The following SPSB4 variants were observed in gnomAD, a reference collection of about 807,000 sequenced individuals.
SPSB4 encodes splA/ryanodine receptor domain and SOCS box containing 4, also known as SPRY domain-containing SOCS box protein 4.
A neutral mutation model predicts 20.9 loss-of-function variants in SPSB4; 21 were observed. The observed-to-expected ratio is 1.01, with a 90% confidence interval of 0.71 to 1.45. The LOEUF is 1.45. Among genes scored for constraint, SPSB4 ranks in the 40% most tolerant of loss-of-function variants. SPSB4 has a pLI of 0.00. For missense variants in SPSB4, 399 were observed against 399.2 expected (o/e 1.00, Z 0.00); for synonymous variants, 207 against 183.8 (o/e 1.13, Z -1.02).
intron 2 of SPSB4, chr3:141,077,190 C>T (rs1029564167): frequency 2.6e-5 from 4 of 152,236 alleles, no homozygotes; most frequent in African/African-American, 7.2e-5. Flanking sequence ...TTCCAGGACT[C>T]GGTGCCTCCT....
At chr3:141,086,767 G>A (rs947425027) in intron 2 of SPSB4, among the ~76,000 whole-genome samples, 3 of 152,182 alleles carry the variant, frequency 2.0e-5, no homozygotes, top group South Asian at 2.1e-4. Flanking sequence ...AAATGATACC[G>A]TGTCCCAGGC....
Position 141,120,757 on chromosome 3 carries a change from T to C in SPSB4, c.695-26385T>C, listed in dbSNP as rs557715502. On this transcript the variant is annotated intron_variant, in intron 2 of 2. Coordinates refer to ENST00000310546, the MANE Select transcript of SPSB4 (RefSeq NM_080862.3). Reference sequence around the variant, plus strand: ...ACCCCTGCCTTTTTTTGTTTTCCATTTGCTTGGTAGATCTTCCTCCATCCC... The same window carrying C: ...ACCCCTGCCTTTTTTTGTTTTCCATCTGCTTGGTAGATCTTCCTCCATCCC... Among the ~76,000 whole-genome samples the C allele has an allele frequency of 2.0e-5, 3 of 152,312 alleles. 1 individual carries two copies. In the South Asian group the frequency reaches 6.2e-4, roughly 32 times the overall value.
chr3:141,141,436 G>A (rs1939327563), intron 2 of SPSB4, among the ~76,000 whole-genome samples: 1 of 152,208 alleles, frequency 6.6e-6, no homozygotes. Context: ...GCTGGGAGTT[G>A]TAGACTGGAG....
At chr3:141,107,344 A>G (rs1054621245) in intron 2 of SPSB4, among the ~76,000 whole-genome samples, 5 of 152,262 alleles carry the variant, frequency 3.3e-5, no homozygotes, top group Non-Finnish European at 7.3e-5. Flanking sequence ...ATGTCGCTTC[A>G]TTCACTGGAA....
chr3:141,121,245 TCTC>T (rs1938962465), intron 2 of SPSB4, among the ~76,000 whole-genome samples: 1 of 152,314 alleles, frequency 6.6e-6, no homozygotes, highest in Non-Finnish European at 1.5e-5. Context: ...TGCCCCTCAG[TCTC>T]CTCTGGCTTG....
In SPSB4 at chr3:141,051,536, A is replaced by AGCTGCTGCTACC. The variant is rs1936087937; in HGVS notation, c.-604_-593dup. 6.7e-6 allele frequency: 1 copy of AGCTGCTGCTACC among 150,280 alleles called. No homozygotes were observed. The highest frequency in any genetic ancestry group is 6.6e-5 in the Admixed American group (1 of 15,070). 9.3% of individuals were successfully genotyped at this position (150,280 alleles called of 1,614,324 possible). A position where few individuals can be genotyped will look rare whatever the true frequency, so the allele number is the denominator to read the frequency against. On this transcript the variant is annotated 5_prime_UTR_variant, in exon 1 of 3. Transcript: ENST00000310546. ...ACACCACATCCCGGGCCCGGGCCCC[A>AGCTGCTGCTACC]GCTGCTGCTACCGCTGCGTGCGCTC...
chr3:141,127,283 G>A (rs2107803311), intron 2 of SPSB4, among the ~76,000 whole-genome samples: 1 of 152,348 alleles, frequency 6.6e-6, no homozygotes, highest in East Asian at 1.9e-4. Flanking sequence ...CCAGAGAAGG[G>A]TTCAGGTCTC....
At chr3:141,105,092 A>AGCACC (rs1167813662) in intron 2 of SPSB4, among the ~76,000 whole-genome samples, 75 of 152,342 alleles carry the variant, frequency 4.9e-4, no homozygotes, top group African/African-American at 1.7e-3. Flanking sequence ...AAATATCTTT[A>AGCACC]GCACCATACA....
intron 2 of SPSB4, among the ~76,000 whole-genome samples, chr3:141,122,727 G>C (rs909517637): frequency 6.6e-6 from 1 of 152,200 alleles, no homozygotes; most frequent in Non-Finnish European, 1.5e-5. Flanking sequence ...GCAAGGCTCC[G>C]TGGGCGTGGG....
chr3:141,054,197 C>T (rs1936142854), intron 1 of SPSB4, among the ~76,000 whole-genome samples: 1 of 152,158 alleles, frequency 6.6e-6, no homozygotes, highest in African/African-American at 2.4e-5. Context: ...CCCTGAGCTG[C>T]CCGACCTGTT....
intron 2 of SPSB4, among the ~76,000 whole-genome samples, chr3:141,080,823 A>C (rs1938216354): frequency 1.3e-5 from 2 of 152,264 alleles, no homozygotes; most frequent in Non-Finnish European, 2.9e-5. Context: ...AAGTTAAAAA[A>C]GCATACTCAA....
chr3:141,076,659 G>T (rs112490341), intron 2 of SPSB4, among the ~76,000 whole-genome samples: 1 of 152,140 alleles, frequency 6.6e-6, no homozygotes, highest in Non-Finnish European at 1.5e-5. Context: ...CAGTTGCTTG[G>T]GGGGTGTCTG....
At chr3:141,052,332 T>C (rs1226547388) in intron 1 of SPSB4, among the ~76,000 whole-genome samples, 1 of 152,238 alleles carries the variant, frequency 6.6e-6, no homozygotes, top group African/African-American at 2.4e-5. Context: ...GCCAAACCTG[T>C]TTCCTCATCC....
At chr3:141,134,953 A>G (rs1178193491) in intron 2 of SPSB4, among the ~76,000 whole-genome samples, 1 of 151,848 alleles carries the variant, frequency 6.6e-6, no homozygotes, top group Non-Finnish European at 1.5e-5. Flanking sequence ...TGCAAAAGAT[A>G]TATAAGCATA....
At position 141,083,353 on chromosome 3, in the gene SPSB4, A is replaced by AC. The variant is rs568057400; in HGVS notation, c.694+16562dup. 2.3e-3 allele frequency among the ~76,000 whole-genome samples: 342 copies of AC among 151,528 alleles called. 2 individuals carry two copies. The highest frequency in any genetic ancestry group is 5.4e-3 in the African/African-American group (224 of 41,268). The stretch of plus-strand genomic sequence containing the variant: ...CAATCACTGTTGTCTCCACACTGCC[A>AC]CCCCCCCACCCTCTGTAGAGCCCTG... On this transcript the variant is annotated intron_variant, in intron 2 of 2. Transcript: ENST00000310546.
chr3:141,101,965 CAG>C (rs1220191072), intron 2 of SPSB4, among the ~76,000 whole-genome samples: 1 of 152,188 alleles, frequency 6.6e-6, no homozygotes, highest in Admixed American at 6.5e-5. Flanking sequence ...CCCTTTCCTC[CAG>C]GAATGCTCCT....
chr3:141,098,506 C>A (rs1194509650), intron 2 of SPSB4, among the ~76,000 whole-genome samples: 1 of 152,036 alleles, frequency 6.6e-6, no homozygotes, highest in Non-Finnish European at 1.5e-5. Flanking sequence ...TCACGTTTAT[C>A]CCTAAGTATT....
intron 2 of SPSB4, among the ~76,000 whole-genome samples, chr3:141,101,090 G>A (rs1938606779): frequency 1.3e-5 from 2 of 152,210 alleles, no homozygotes; most frequent in Admixed American, 6.5e-5. Flanking sequence ...GGTACGAGTT[G>A]TCATGGGTGA....
intron 1 of SPSB4, among the ~76,000 whole-genome samples, chr3:141,064,740 G>A (rs566020560): frequency 2.0e-5 from 3 of 152,266 alleles, no homozygotes; most frequent in Admixed American, 1.3e-4. Context: ...AGGGAGGGGA[G>A]GGCACACGCC....
Sources: gnomAD v4.1 joint callset for allele counts (sites outside exome capture counted in the v4.1 genomes callset) on GRCh38, gnomAD v4.1.1 for gene constraint, MANE v1.5 for transcripts, NCBI Gene and HGNC (gene_info 2026-07-23, HGNC 2026-07-21) for gene names.